VPS28: variants seen among roughly 807,000 people sequenced by gnomAD.
VPS28 encodes the protein VPS28 subunit of ESCRT-I.
A neutral mutation model predicts 33.7 loss-of-function variants in VPS28; 29 were observed. The observed-to-expected ratio is 0.86, with a 90% confidence interval of 0.64 to 1.17. The LOEUF (loss-of-function observed/expected upper bound fraction) is 1.17, where lower values mean the gene tolerates loss of function less well. Ranked by LOEUF, VPS28 falls within the 50% of genes most tolerant of loss-of-function variation. The pLI, the probability that VPS28 is intolerant of heterozygous loss-of-function variation, is 0.00. For synonymous variants in VPS28, 164 were observed against 116.7 expected (o/e 1.40, Z -2.61); for missense variants, 247 against 312.2 (o/e 0.79, Z 1.57).
intron 5 of VPS28, chr8:144,425,466 G>A (rs1822665912): frequency 3.4e-6 from 2 of 594,404 alleles, no homozygotes; most frequent in African/African-American, 1.9e-5. Context: ...GAGGGTGGGG[G>A]AGTGGGCCGG....
In VPS28 at chr8:144,424,043, C is replaced by T. The variant is rs1214065237; in HGVS notation, c.546G>A (p.Gln182=). 4.4e-6 allele frequency: 7 copies of T among 1,584,114 alleles called. No homozygotes were observed. Among genetic ancestry groups the T allele is most frequent in the African/African-American group, 1.3e-5 (1 of 74,398 alleles). ...GCCTGGCTGGGAGGGACACCCACCA[C>T]TGGCTGACCGTCTGGCGGCCCTCAA... ...PDFEGRQTVS[Q]WLQTLSGMSA... The change falls in exon 9 of 10, where the codon CAG becomes CAA. Residue 182 remains glutamine, a splice_region_variant and synonymous_variant. Transcript: ENST00000292510.
chr8:144,426,558 AGTCACCTGCACAACAGTG>A (rs551424367), intron 2 of VPS28: 6,168 of 434,828 alleles, frequency 0.014, 114 homozygotes, highest in Middle Eastern at 0.023. Context: ...TCCCTGGCGG[AGTCACCTGCACAACAGTG>A]GCCACGCCCT....
intron 5 of VPS28, 104 bp downstream of exon 5, chr8:144,425,579 C>T (rs1822673402): frequency 7.8e-7 from 1 of 1,276,218 alleles, no homozygotes; most frequent in South Asian, 1.3e-5. Flanking sequence ...GTGGGCCCCA[C>T]ACAAGTGGGT....
intron 1 of VPS28, chr8:144,427,235 G>A (rs1564721379): frequency 6.9e-6 from 2 of 288,382 alleles, no homozygotes; most frequent in Admixed American, 1.0e-4. Flanking sequence ...GGAGGTGAAG[G>A]TTTCAATGAG....
intron 5 of VPS28, chr8:144,425,461 T>G (rs1822665555): frequency 1.7e-6 from 1 of 591,862 alleles, no homozygotes; most frequent in East Asian, 2.8e-5. Context: ...GGGATGAGGG[T>G]GGGGGAGTGG....
chr8:144,427,081 C>T, intron 1 of VPS28, 102 bp from the exon 2 acceptor site: 2 of 823,282 alleles, frequency 2.4e-6, no homozygotes, highest in South Asian at 3.5e-5. Context: ...GAGCGGATCA[C>T]CTGAGGTCAG....
At chr8:144,427,593 A>G (rs1366688482) in intron 1 of VPS28, among the ~76,000 whole-genome samples, 4 of 152,204 alleles carry the variant, frequency 2.6e-5, no homozygotes, top group African/African-American at 9.6e-5. Flanking sequence ...CACACTTAAC[A>G]GCCCGCCTTT....
Position 144,424,234 on chromosome 8 carries a change from T to C in VPS28, c.437A>G (p.Glu146Gly), listed in dbSNP as rs1197916682. The stretch of plus-strand genomic sequence containing the variant: ...CCGCACCTCATCCATGGCGCGGATC[T>C]CCAGACGCAGCTTGTCCATGACCGT... ...FITVMDKLRL[E>G]IRAMDEIQPD... Residue 146 changes from glutamate to glycine, a missense_variant, in exon 8 of 10, where the codon GAG becomes GGG. Physicochemically the swap from Glu to Gly is moderately conservative, Grantham distance 98. Coordinates refer to ENST00000292510, the MANE Select transcript of VPS28 (RefSeq NM_016208.4). The C allele has an allele frequency of 1.2e-6, 2 of 1,606,596 alleles. No homozygotes were observed. The highest frequency in any genetic ancestry group is 2.2e-5 in the East Asian group (1 of 44,724).
intron 5 of VPS28, chr8:144,425,346 G>C (rs1209457404): frequency 1.8e-6 from 1 of 561,904 alleles, no homozygotes; most frequent in East Asian, 3.0e-5. Flanking sequence ...ATGGTCCTGT[G>C]CGGTGGCCTG....
rs1312988153 is a variant in VPS28 at position 144,423,663 on chromosome 8, A to C, written c.*142T>G. 9.7e-6 allele frequency: 11 copies of C among 1,133,612 alleles called. No homozygotes were observed. The highest frequency in any genetic ancestry group is 1.3e-5 in the Non-Finnish European group (10 of 790,964). The allele number at this position is 1,133,612 out of a possible 1,614,324, so 70.2% of individuals were successfully genotyped here. On this transcript the variant is annotated 3_prime_UTR_variant, in exon 10 of 10. Transcript: ENST00000292510. Reference sequence around the variant, plus strand: ...TTGTGGGGAGGGGCCCGGCCCCCAAAGTTCTGACACCAAAGACAGACACCA... The same window carrying C: ...TTGTGGGGAGGGGCCCGGCCCCCAACGTTCTGACACCAAAGACAGACACCA...
chr8:144,426,284 T>C, intron 2 of VPS28, 76 bp from the exon 3 acceptor site: 1 of 1,476,482 alleles, frequency 6.8e-7, no homozygotes, highest in South Asian at 1.4e-5. Flanking sequence ...CAGTCTCCAT[T>C]TCAGTTCCTC....
chr8:144,425,606 G>A, intron 5 of VPS28, 77 bp downstream of exon 5: 5 of 1,509,508 alleles, frequency 3.3e-6, no homozygotes, highest in Non-Finnish European at 2.7e-6. Flanking sequence ...CAGCCTGACA[G>A]ACGCCTGCTC....
At chr8:144,425,998 T>C (rs983916720) in intron 4 of VPS28, 28 bp downstream of exon 4, 2 of 1,493,532 alleles carry the variant, frequency 1.3e-6, no homozygotes, top group Middle Eastern at 2.1e-4. Flanking sequence ...CATGGGTGTG[T>C]TGGGACAGCC....
chr8:144,423,975 G>A (rs782728653), intron 9 of VPS28, 53 bp from the exon 10 acceptor site: 4 of 1,610,674 alleles, frequency 2.5e-6, no homozygotes, highest in Non-Finnish European at 3.4e-6. Flanking sequence ...GGGCACTGCG[G>A]GGCTCCGCCT....
chr8:144,425,391 C>G, intron 5 of VPS28: 1 of 567,622 alleles, frequency 1.8e-6, no homozygotes, highest in Admixed American at 3.1e-5. Flanking sequence ...CAAAGCCCCC[C>G]CAAAAGATCC....
intron 7 of VPS28, 64 bp from the exon 8 acceptor site, chr8:144,424,332 G>T: frequency 6.6e-7 from 1 of 1,526,200 alleles, no homozygotes; most frequent in Middle Eastern, 2.4e-4. Context: ...ACGGCTCACG[G>T]GCCCCAACCC....
intron 8 of VPS28, 32 bp downstream of exon 8, chr8:144,424,183 G>A: frequency 6.4e-7 from 1 of 1,573,566 alleles, no homozygotes; most frequent in Middle Eastern, 1.7e-4. Context: ...ATCCCCTCCT[G>A]CCTAGGCCCC....
At chr8:144,428,044 G>C (rs1822920615) in intron 1 of VPS28, among the ~76,000 whole-genome samples, 1 of 152,150 alleles carries the variant, frequency 6.6e-6, no homozygotes, top group African/African-American at 2.4e-5. Context: ...GTGAGGGAAG[G>C]CCGCCCGCGC....
intron 5 of VPS28, 164 bp downstream of exon 5, chr8:144,425,519 G>GC: frequency 1.5e-6 from 1 of 677,042 alleles, no homozygotes. Context: ...TCCCTCACCA[G>GC]CCCCCAGGAC....
Sources: allele counts gnomAD v4.1 joint callset (sites outside exome capture counted in the v4.1 genomes callset), GRCh38; gene constraint gnomAD v4.1.1; transcripts MANE v1.5; gene names NCBI Gene and HGNC (gene_info 2026-07-23, HGNC 2026-07-21).